The following DPYSL2 variants were observed in gnomAD, a reference collection of about 807,000 sequenced individuals.
The protein encoded by DPYSL2 is dihydropyrimidinase like 2.
In DPYSL2, 13 loss-of-function variants were observed where a neutral mutation model predicts 69.9. The ratio of observed to expected loss-of-function variants is 0.19; its 90% CI spans 0.12 to 0.30. The LOEUF is 0.30. DPYSL2 is among the 10% of genes least tolerant of loss of function. The probability of loss-of-function intolerance (pLI) is 1.00; values close to 1 mark genes in which losing one functional copy is unlikely to be tolerated. For missense variants in DPYSL2, 587 were observed against 918.9 expected, an observed-to-expected ratio of 0.64 and a Z score of 4.67; for synonymous variants, 326 against 359.1, an observed-to-expected ratio of 0.91 and a Z score of 1.04.
intron 1 of DPYSL2, among the ~76,000 whole-genome samples, chr8:26,543,321 T>C (rs1364131818): frequency 6.6e-6 from 1 of 152,152 alleles, no homozygotes; most frequent in Non-Finnish European, 1.5e-5. Flanking sequence ...TATGAACACA[T>C]CTGCATACAT....
chr8:26,578,845 A>C (rs1052458523), intron 1 of DPYSL2, among the ~76,000 whole-genome samples: 1 of 152,152 alleles, frequency 6.6e-6, no homozygotes, highest in Non-Finnish European at 1.5e-5. Context: ...GGCAGGGTGT[A>C]CCGGAATGGT....
intron 3 of DPYSL2, among the ~76,000 whole-genome samples, chr8:26,604,058 T>C (rs1181372602): frequency 6.6e-6 from 1 of 152,228 alleles, no homozygotes; most frequent in Non-Finnish European, 1.5e-5. Context: ...ATTTGTCATA[T>C]AATTTCAGGG....
chr8:26,543,069 C>G (rs1800711288), intron 1 of DPYSL2, among the ~76,000 whole-genome samples: 1 of 152,168 alleles, frequency 6.6e-6, no homozygotes, highest in Non-Finnish European at 1.5e-5. Flanking sequence ...AATGGCAACG[C>G]TCCTCTAGAT....
At position 26,640,622 on chromosome 8, in the gene DPYSL2, C is replaced by T. The variant is rs1054981543; in HGVS notation, c.1127-2817C>T. 2.6e-5 allele frequency among the ~76,000 whole-genome samples: 4 copies of T among 152,116 alleles called. No homozygotes were observed. The highest frequency in any genetic ancestry group is 4.8e-5 in the African/African-American group (2 of 41,412). The stretch of plus-strand genomic sequence containing the variant: ...GCAGAGACTCTATGTATAGATCATA[C>T]TCTTGTGGAGGTAGAGGCCTGGAAC... On this transcript the variant is annotated intron_variant, in intron 8 of 13. Coordinates refer to ENST00000521913, the MANE Select transcript of DPYSL2 (RefSeq NM_001197293.3). This position sits in a 1 kb window ranked among gnomAD's most constrained non-coding sequence, Gnocchi z 4.2.
At chr8:26,553,425 G>A (rs1181979599) in intron 1 of DPYSL2, among the ~76,000 whole-genome samples, 1 of 151,952 alleles carries the variant, frequency 6.6e-6, no homozygotes, top group Non-Finnish European at 1.5e-5. Flanking sequence ...TCCCCTCTTT[G>A]TGTCCATGTG....
Position 26,627,953 on chromosome 8 carries a change from C to T in DPYSL2, c.1005+13C>T, listed in dbSNP as rs766367930. 2 of 1,612,574 alleles carry T rather than the reference C, an allele frequency of 1.2e-6. No homozygotes were observed. Among genetic ancestry groups the T allele is most frequent in the African/African-American group, 1.3e-5 (1 of 74,900 alleles). The stretch of plus-strand genomic sequence containing the variant: ...CCGACCTGAGGAGGTGAATGTTCAC[C>T]AAGCGGAATGCGTGAATCAGTGTCC... On this transcript the variant is annotated intron_variant, in intron 7 of 13. Coordinates refer to ENST00000521913, the MANE Select transcript of DPYSL2 (RefSeq NM_001197293.3). The surrounding 1 kb of genome is among the most constrained non-coding windows in gnomAD (Gnocchi z 6.9).
chr8:26,637,432 T>G (rs1321145035), intron 8 of DPYSL2: 1 of 152,228 alleles, frequency 6.6e-6, no homozygotes, highest in Admixed American at 6.5e-5. Context: ...AGCTCATGTA[T>G]AGTGGAATTG....
intron 8 of DPYSL2, among the ~76,000 whole-genome samples, chr8:26,638,841 C>G (rs901341740): frequency 6.6e-6 from 1 of 152,258 alleles, no homozygotes; most frequent in Admixed American, 6.5e-5. Flanking sequence ...GGCCACCTCT[C>G]TTTCCATGGA....
chr8:26,514,222 G>A lies in DPYSL2; in HGVS notation c.-104G>A, dbSNP rs1808231432. The A allele has an allele frequency of 1.9e-6, 2 of 1,066,608 alleles. No homozygotes were observed. Among genetic ancestry groups the A allele is most frequent in the Admixed American group, 7.9e-5 (2 of 25,228 alleles). The allele number at this position is 1,066,608 out of a possible 1,614,324, so 66.1% of individuals were successfully genotyped here. ...TGCACCTTGCGGTGGGCGGCGAACGGCAGCCGCGGCAGCAGCTAGGGGGCT... is the reference window on the plus strand; with the variant it reads ...TGCACCTTGCGGTGGGCGGCGAACGACAGCCGCGGCAGCAGCTAGGGGGCT... On this transcript the variant is annotated 5_prime_UTR_variant, in exon 1 of 14. Coordinates refer to ENST00000521913, the MANE Select transcript of DPYSL2 (RefSeq NM_001197293.3). The surrounding 1 kb of genome is among the most constrained non-coding windows in gnomAD (Gnocchi z 8.4).
chr8:26,524,830 A>C (rs1808449186), intron 1 of DPYSL2, among the ~76,000 whole-genome samples: 1 of 141,724 alleles, frequency 7.1e-6, no homozygotes, highest in African/African-American at 2.6e-5. Context: ...AAAAAAAAAA[A>C]AAAAAAGAGA....
Position 26,643,258 on chromosome 8 carries a change from C to G in DPYSL2, c.1127-181C>G. 1.7e-6 allele frequency: 1 copy of G among 576,228 alleles called. No homozygotes were observed. Among genetic ancestry groups the G allele is most frequent in the Non-Finnish European group, 2.9e-6 (1 of 348,540 alleles). 35.7% of individuals were successfully genotyped at this position (576,228 alleles called of 1,614,324 possible). A position where few individuals can be genotyped will look rare whatever the true frequency, so the allele number is the denominator to read the frequency against. Reference sequence around the variant, plus strand: ...GGAATCTTGGGGAGCTCATGACAGGCTGGCAGAGGTACTGAATTTCTCCAA... The same window carrying G: ...GGAATCTTGGGGAGCTCATGACAGGGTGGCAGAGGTACTGAATTTCTCCAA... On this transcript the variant is annotated intron_variant, in intron 8 of 13. Transcript: ENST00000521913. This position sits in a 1 kb window ranked among gnomAD's most constrained non-coding sequence, Gnocchi z 6.5.
rs866687274 is a variant in DPYSL2, at chr8:26,537,638, G to T, written c.354+22959G>T. On this transcript the variant is annotated intron_variant, in intron 1 of 13. Transcript: ENST00000521913. ...CACACACACACACACACACACAACT[G>T]TATATTTTTTCTCATTCGAGAGTAA... Among the ~76,000 whole-genome samples, 58 of 30,870 alleles carry T rather than the reference G, an allele frequency of 1.9e-3. 1 individual carries two copies. The highest frequency in any genetic ancestry group is 2.8e-3 in the African/African-American group (44 of 15,738). 20.3% of individuals were successfully genotyped at this position (30,870 alleles called of 152,430 possible).
chr8:26,567,355 C>CCCATCCATCCAT (rs369652545), intron 1 of DPYSL2, among the ~76,000 whole-genome samples: 14,333 of 149,862 alleles, frequency 0.096, 777 homozygotes, highest in Non-Finnish European at 0.12. Flanking sequence ...CATACATCTG[C>CCCATCCATCCAT]CCATCCATCC....
At chr8:26,592,074 G>C (rs1801740041) in intron 3 of DPYSL2, among the ~76,000 whole-genome samples, 1 of 152,174 alleles carries the variant, frequency 6.6e-6, no homozygotes, top group Admixed American at 6.5e-5. Flanking sequence ...CCCTGCCTAG[G>C]TTTGGGTTGG....
chr8:26,653,537 A>G lies in DPYSL2; in HGVS notation c.1942+140A>G. 2 of 959,372 alleles carry G rather than the reference A, an allele frequency of 2.1e-6. No homozygotes were observed. Among genetic ancestry groups the G allele is most frequent in the Non-Finnish European group, 3.1e-6 (2 of 646,354 alleles). 59.4% of individuals were successfully genotyped at this position (959,372 alleles called of 1,614,324 possible). On this transcript the variant is annotated intron_variant, in intron 13 of 13. Coordinates refer to ENST00000521913, the MANE Select transcript of DPYSL2 (RefSeq NM_001197293.3). The surrounding 1 kb of genome is among the most constrained non-coding windows in gnomAD (Gnocchi z 5.7). ...CTCTCCAACGTGAGAAATACAGTGG[A>G]CTCAGATCTCTGGAGATGTATTTTC...
rs1802310195 is a variant in DPYSL2, at chr8:26,614,823, G to A, written c.629-9320G>A. On this transcript the variant is annotated intron_variant, in intron 3 of 13. Transcript: ENST00000521913. The surrounding 1 kb of genome is among the most constrained non-coding windows in gnomAD (Gnocchi z 4.9). ...GTGAAGAACATGTTTCCATATGCCT[G>A]CCACCCTTAGGCTAAGGACACGGTT... is the stretch of plus-strand genomic sequence containing the variant. Among the ~76,000 whole-genome samples, 2 of 152,246 alleles carry A rather than the reference G, an allele frequency of 1.3e-5. No individual in the cohort carries two copies. Among genetic ancestry groups the A allele is most frequent in the African/African-American group, 4.8e-5 (2 of 41,464 alleles).
intron 1 of DPYSL2, among the ~76,000 whole-genome samples, chr8:26,558,413 C>A (rs1441928871): frequency 6.6e-6 from 1 of 152,122 alleles, no homozygotes; most frequent in East Asian, 1.9e-4. Context: ...CAGTGTTTAC[C>A]ATGGGCTTGG....
At chr8:26,576,555 G>T (rs1015506015) in intron 1 of DPYSL2, among the ~76,000 whole-genome samples, 3 of 152,136 alleles carry the variant, frequency 2.0e-5, no homozygotes, top group Admixed American at 6.5e-5. Context: ...CTTTCCCACG[G>T]ACCCTGAAGT....
Position 26,524,215 on chromosome 8 carries a change from T to C in DPYSL2, c.354+9536T>C, listed in dbSNP as rs77490524. Among the ~76,000 whole-genome samples the C allele has an allele frequency of 2.2e-3, 340 of 152,356 alleles. 4 individuals are homozygous for C. The highest frequency in any genetic ancestry group is 0.022 in the East Asian group (114 of 5,182). The stretch of plus-strand genomic sequence containing the variant: ...TAGGTTTCTTGTTTGTTTGTTTTGA[T>C]AGACATCATCCTACTGAATGGGAGA... On this transcript the variant is annotated intron_variant, in intron 1 of 13. Transcript: ENST00000521913.
Sources: gnomAD v4.1 joint callset for allele counts (sites outside exome capture counted in the v4.1 genomes callset) on GRCh38, gnomAD v4.1.1 for gene constraint, Gnocchi (gnomAD v3.1) non-coding constraint, MANE v1.5 for transcripts, NCBI Gene and HGNC (gene_info 2026-07-23, HGNC 2026-07-21) for gene names.